MEIKIN: variants seen among roughly 807,000 people sequenced by gnomAD.
MEIKIN encodes meiosis-specific kinetochore protein.
intron 9 of MEIKIN, among the ~76,000 whole-genome samples, chr5:131,858,180 T>C (rs533480425): frequency 6.6e-6 from 1 of 152,296 alleles, no homozygotes; most frequent in Admixed American, 6.5e-5. Flanking sequence ...GCAGTCAAAC[T>C]AGGAATGCTG....
intron 9 of MEIKIN, among the ~76,000 whole-genome samples, chr5:131,875,786 C>A (rs546414998): frequency 2.0e-5 from 3 of 152,188 alleles, no homozygotes; most frequent in Non-Finnish European, 4.4e-5. Context: ...GGTACTGGTA[C>A]CAAAACAGAG....
intron 8 of MEIKIN, among the ~76,000 whole-genome samples, chr5:131,880,089 T>C (rs1262322889): frequency 6.6e-6 from 1 of 150,938 alleles, no homozygotes; most frequent in Non-Finnish European, 1.5e-5. Context: ...CCAGCTAATA[T>C]ATATACAATT....
chr5:131,853,379 C>T (rs1750146558), intron 10 of MEIKIN, among the ~76,000 whole-genome samples: 3 of 152,126 alleles, frequency 2.0e-5, no homozygotes, highest in Non-Finnish European at 4.4e-5. Context: ...GCTGCATGGA[C>T]CTCTGTGAGG....
intron 9 of MEIKIN, among the ~76,000 whole-genome samples, chr5:131,857,369 C>G (rs1190518620): frequency 6.6e-6 from 1 of 152,104 alleles, no homozygotes; most frequent in Non-Finnish European, 1.5e-5. Context: ...ACAGGTGGAG[C>G]AGGATGGCCA....
chr5:131,933,130 G>A (rs999264649), intron 5 of MEIKIN, among the ~76,000 whole-genome samples: 8 of 152,070 alleles, frequency 5.3e-5, no homozygotes, highest in African/African-American at 1.9e-4. Flanking sequence ...CTTAATTTGT[G>A]GAGAAAATTC....
At chr5:131,944,473 C>T (rs1751926598) in intron 3 of MEIKIN, 192 bp downstream of exon 3, 2 of 384,532 alleles carry the variant, frequency 5.2e-6, no homozygotes, top group Non-Finnish European at 9.2e-6. Flanking sequence ...AACAAAAATG[C>T]ATGACTATGA....
intron 8 of MEIKIN, among the ~76,000 whole-genome samples, chr5:131,897,656 T>C (rs1473553815): frequency 2.0e-5 from 3 of 152,156 alleles, no homozygotes; most frequent in Non-Finnish European, 4.4e-5. Flanking sequence ...ATCACTGATA[T>C]CCTTTCTTCC....
chr5:131,935,269 A>T (rs1751758313), intron 4 of MEIKIN, among the ~76,000 whole-genome samples: 1 of 141,850 alleles, frequency 7.0e-6, no homozygotes, highest in Non-Finnish European at 1.5e-5. Context: ...CGTCTCTACA[A>T]AAAAAAAAAA....
chr5:131,856,591 C>T (rs918547140), intron 9 of MEIKIN, among the ~76,000 whole-genome samples: 1 of 152,204 alleles, frequency 6.6e-6, no homozygotes, highest in Non-Finnish European at 1.5e-5. Flanking sequence ...GCTATCCCTG[C>T]ATAATCCTGC....
At chr5:131,883,319 T>C (rs1267708578) in intron 8 of MEIKIN, among the ~76,000 whole-genome samples, 2 of 152,190 alleles carry the variant, frequency 1.3e-5, no homozygotes, top group Admixed American at 6.5e-5. Context: ...GACACCTATA[T>C]ATATCAGGCA....
At chr5:131,920,298 T>C (rs990469650) in intron 6 of MEIKIN, among the ~76,000 whole-genome samples, 1 of 152,200 alleles carries the variant, frequency 6.6e-6, no homozygotes, top group Non-Finnish European at 1.5e-5. Flanking sequence ...AGAAAGTTCT[T>C]CTTTTACAGT....
At chr5:131,928,400 T>TC (rs769453937) in intron 5 of MEIKIN, among the ~76,000 whole-genome samples, 52 of 152,298 alleles carry the variant, frequency 3.4e-4, no homozygotes, top group Admixed American at 9.8e-4. Flanking sequence ...CTTTTCTTTT[T>TC]CTTCTTTTGT....
chr5:131,810,590 G>A (rs138716651), intron 12 of MEIKIN, among the ~76,000 whole-genome samples: 83 of 152,310 alleles, frequency 5.4e-4, no homozygotes, highest in Middle Eastern at 3.4e-3. Context: ...TGTGCTTACT[G>A]GAATCACTTT....
chr5:131,901,366 G>C (rs573241554), intron 8 of MEIKIN, among the ~76,000 whole-genome samples: 75 of 152,108 alleles, frequency 4.9e-4, no homozygotes, highest in African/African-American at 1.8e-3. Context: ...TCCTAACATC[G>C]CCACCAGTGT....
At chr5:131,943,060 G>A (rs1479887603) in intron 3 of MEIKIN, among the ~76,000 whole-genome samples, 1 of 151,732 alleles carries the variant, frequency 6.6e-6, no homozygotes, top group Non-Finnish European at 1.5e-5. Context: ...AGACTAGTAA[G>A]TCTAAAATAC....
intron 12 of MEIKIN, among the ~76,000 whole-genome samples, chr5:131,814,776 A>ACTGGTAT (rs906009755): frequency 2.0e-5 from 3 of 152,168 alleles, no homozygotes; most frequent in African/African-American, 7.2e-5. Flanking sequence ...AAAGAGGCTA[A>ACTGGTAT]CTGGTATCCT....
intron 8 of MEIKIN, among the ~76,000 whole-genome samples, chr5:131,883,025 C>T (rs141581154): frequency 1.5e-4 from 23 of 152,104 alleles, no homozygotes; most frequent in Non-Finnish European, 2.8e-4. Flanking sequence ...TTCTATTTGA[C>T]GTTATATATT....
chr5:131,826,720 C>T (rs746626251), intron 11 of MEIKIN, among the ~76,000 whole-genome samples: 9 of 152,022 alleles, frequency 5.9e-5, no homozygotes, highest in African/African-American at 9.7e-5. Context: ...TTGGTTGATA[C>T]GTGTGTGGCA....
chr5:131,886,182 C>G (rs979613755), intron 8 of MEIKIN, among the ~76,000 whole-genome samples: 1 of 151,990 alleles, frequency 6.6e-6, no homozygotes, highest in Non-Finnish European at 1.5e-5. Flanking sequence ...AGCTTCGAAA[C>G]GGCAAATCTT....
Sources: gnomAD v4.1 joint callset for allele counts (sites outside exome capture counted in the v4.1 genomes callset) on GRCh38, gnomAD v4.1.1 for gene constraint, MANE v1.5 for transcripts, NCBI Gene and HGNC (gene_info 2026-07-23, HGNC 2026-07-21) for gene names.